Variants in PBX1 observed in about 807,000 individuals in gnomAD.
The protein encoded by PBX1 is PBX homeobox 1.
Under a neutral mutation model 53.4 loss-of-function variants are expected in PBX1, and 6 were observed. The observed-to-expected ratio is 0.11, with a 90% CI of 0.06 to 0.22. PBX1 has a LOEUF of 0.22. PBX1 is among the 10% of genes least tolerant of loss of function. PBX1 has a pLI of 1.00. For missense variants in PBX1, 251 were observed against 551.4 expected, an observed-to-expected ratio of 0.46 and a Z score of 5.46; for synonymous variants, 204 against 212.3, an observed-to-expected ratio of 0.96 and a Z score of 0.34.
chr1:164,871,083 G>C (rs893363527), intron 2 of PBX1, among the ~76,000 whole-genome samples: 15 of 152,206 alleles, frequency 9.9e-5, no homozygotes, highest in African/African-American at 3.1e-4. Context: ...CAAAGACAGA[G>C]GGGAAGGATC....
At chr1:164,883,387 A>G (rs1295868956) in intron 2 of PBX1, among the ~76,000 whole-genome samples, 3 of 152,256 alleles carry the variant, frequency 2.0e-5, no homozygotes. Flanking sequence ...CAAAGCATCC[A>G]CTAAAATAAT....
chr1:164,719,314 G>T (rs993182602), intron 2 of PBX1, among the ~76,000 whole-genome samples: 1 of 152,188 alleles, frequency 6.6e-6, no homozygotes, highest in Non-Finnish European at 1.5e-5. Context: ...AAAGCTCATG[G>T]TCTGATGTGT....
chr1:164,845,902 T>G (rs1671548251), intron 8 of PBX1, among the ~76,000 whole-genome samples: 1 of 152,220 alleles, frequency 6.6e-6, no homozygotes, highest in Non-Finnish European at 1.5e-5. Context: ...GCTCCCTCTA[T>G]GAAGTATTTC....
chr1:164,634,525 T>TTA (rs1658615853), intron 2 of PBX1, among the ~76,000 whole-genome samples: 1 of 152,224 alleles, frequency 6.6e-6, no homozygotes, highest in Non-Finnish European at 1.5e-5. Flanking sequence ...ATGGCAGTGC[T>TTA]TAAAATCAGT....
chr1:164,571,486 C>T (rs550000165), intron 2 of PBX1, among the ~76,000 whole-genome samples: 3 of 152,152 alleles, frequency 2.0e-5, no homozygotes, highest in East Asian at 1.9e-4. Context: ...AGCACGTTTT[C>T]GAGGGTCATC....
chr1:164,605,430 C>T (rs543987872), intron 2 of PBX1: 1 of 152,080 alleles, frequency 6.6e-6, no homozygotes, highest in Non-Finnish European at 1.5e-5. Flanking sequence ...GTGAGTTTAA[C>T]CTCTGTAGGG....
At chr1:164,790,396 A>G (rs1668437418) in intron 2 of PBX1, among the ~76,000 whole-genome samples, 1 of 152,176 alleles carries the variant, frequency 6.6e-6, no homozygotes, top group South Asian at 2.1e-4. Context: ...CGTCACCACT[A>G]TGGCAATTTT....
intron 2 of PBX1, among the ~76,000 whole-genome samples, chr1:164,742,358 A>C (rs911973757): frequency 6.6e-5 from 10 of 152,186 alleles, no homozygotes; most frequent in Non-Finnish European, 1.5e-4. Context: ...CCTGGCCAAC[A>C]TGGCAAAACC....
intron 3 of PBX1, 77 bp from the exon 4 acceptor site, chr1:164,799,622 G>A (rs2102319120): frequency 1.5e-6 from 2 of 1,305,250 alleles, no homozygotes; most frequent in Admixed American, 2.0e-5. Flanking sequence ...AAAAGCCCAC[G>A]TGGCCTAATG....
At chr1:164,633,827 G>A (rs1465985975) in intron 2 of PBX1, among the ~76,000 whole-genome samples, 5 of 152,110 alleles carry the variant, frequency 3.3e-5, no homozygotes, top group African/African-American at 7.2e-5. Context: ...TATCTGCCTC[G>A]GAGTTAATAC....
At chr1:164,636,245 C>T (rs1442437328) in intron 2 of PBX1, among the ~76,000 whole-genome samples, 1 of 151,788 alleles carries the variant, frequency 6.6e-6, no homozygotes, top group Non-Finnish European at 1.5e-5. Flanking sequence ...GGGAGGAACA[C>T]AGTTTCTTGG....
At chr1:164,621,744 C>G (rs1233712851) in intron 2 of PBX1, among the ~76,000 whole-genome samples, 3 of 152,150 alleles carry the variant, frequency 2.0e-5, no homozygotes, top group Non-Finnish European at 4.4e-5. Flanking sequence ...CATACCTGAA[C>G]AGAAAGGTTT....
intron 2 of PBX1, among the ~76,000 whole-genome samples, chr1:164,650,324 G>T (rs1431086987): frequency 6.6e-6 from 1 of 151,760 alleles, no homozygotes; most frequent in East Asian, 1.9e-4. Context: ...CGCCTCCCAG[G>T]TTCAATAGAT....
chr1:164,856,731 T>C, downstream of PBX1, among the ~76,000 whole-genome samples: 1 of 152,194 alleles, frequency 6.6e-6, no homozygotes. Context: ...TAATAATCCT[T>C]CAAGTATTTT....
chr1:164,765,717 C>G (rs1243266216), intron 2 of PBX1, among the ~76,000 whole-genome samples: 1 of 152,180 alleles, frequency 6.6e-6, no homozygotes, highest in African/African-American at 2.4e-5. Flanking sequence ...CAGAGTCAGA[C>G]AGCTAACAAG....
Position 164,786,958 on chromosome 1 carries a change from T to C in PBX1, c.266-5536T>C, listed in dbSNP as rs140482654. Among the ~76,000 whole-genome samples the C allele has an allele frequency of 4.6e-5, 7 of 152,296 alleles. No individual in the cohort carries two copies. The East Asian group carries it at 1.4e-3, about 29-fold the overall frequency. On this transcript the variant is annotated intron_variant, in intron 2 of 8. Transcript: ENST00000420696. ...CATTACTTCATGTTTTGTAAGGTGA[T>C]GTAATTCAGTGCGTGCAAGTACTTT... is the stretch of plus-strand genomic sequence containing the variant.
At chr1:164,857,396 T>G (rs761735697) in intron 2 of PBX1, among the ~76,000 whole-genome samples, 11 of 131,136 alleles carry the variant, frequency 8.4e-5, no homozygotes, top group Middle Eastern at 4.1e-3. Flanking sequence ...GCCACCCTCC[T>G]GGCATGTGGA....
intron 2 of PBX1, among the ~76,000 whole-genome samples, chr1:164,880,630 G>T (rs182789003): frequency 5.9e-5 from 9 of 152,282 alleles, no homozygotes; most frequent in Admixed American, 2.6e-4. Flanking sequence ...ACAGGCCCTT[G>T]GGAAATACTG....
chr1:164,616,778 T>G (rs1233751363), intron 2 of PBX1, among the ~76,000 whole-genome samples: 1 of 152,256 alleles, frequency 6.6e-6, no homozygotes, highest in African/African-American at 2.4e-5. Flanking sequence ...TAATTACTAA[T>G]ATGTATTGAT....
Sources: gnomAD v4.1 joint callset for allele counts (sites outside exome capture counted in the v4.1 genomes callset) on GRCh38, gnomAD v4.1.1 for gene constraint, MANE v1.5 for transcripts, NCBI Gene and HGNC (gene_info 2026-07-23, HGNC 2026-07-21) for gene names.